The following UBE2V2 variants were observed in gnomAD, a reference collection of about 807,000 sequenced individuals.
The protein encoded by UBE2V2 is ubiquitin-conjugating enzyme E2 variant 2.
A neutral mutation model predicts 17.2 loss-of-function variants in UBE2V2; 9 were observed. The observed-to-expected ratio is 0.52, with a 90% CI of 0.32 to 0.91. The LOEUF is 0.91. Ranked by LOEUF, UBE2V2 falls within the 40% of genes least tolerant of loss-of-function variation. The pLI, the probability that UBE2V2 is intolerant of heterozygous loss-of-function variation, is 0.04. For missense variants in UBE2V2, 133 were observed against 182.6 expected, an observed-to-expected ratio of 0.73 and a Z score of 1.56; for synonymous variants, 61 against 57.5, an observed-to-expected ratio of 1.06 and a Z score of -0.28.
chr8:48,037,173 C>T (rs2091430521), intron 1 of UBE2V2, among the ~76,000 whole-genome samples: 1 of 152,242 alleles, frequency 6.6e-6, no homozygotes, highest in Non-Finnish European at 1.5e-5. Context: ...GAGCAAGACT[C>T]TGTCTCAGAA....
intron 1 of UBE2V2, among the ~76,000 whole-genome samples, chr8:48,020,762 A>G (rs1262111702): frequency 2.6e-5 from 4 of 151,976 alleles, no homozygotes; most frequent in African/African-American, 9.7e-5. Flanking sequence ...TGTGCCACCA[A>G]ACCTGGCTAA....
At chr8:48,011,325 G>A (rs2091230260) in intron 1 of UBE2V2, among the ~76,000 whole-genome samples, 2 of 151,936 alleles carry the variant, frequency 1.3e-5, no homozygotes, top group South Asian at 2.1e-4. Context: ...GCACCACCAC[G>A]CCCAGCTAAT....
chr8:48,027,949 G>A (rs1265505061), intron 1 of UBE2V2, among the ~76,000 whole-genome samples: 1 of 151,838 alleles, frequency 6.6e-6, no homozygotes, highest in Admixed American at 6.6e-5. Context: ...TGCCTCCTGG[G>A]TTCAAGCGAT....
At chr8:48,008,756 A>T (rs1386511045) in intron 1 of UBE2V2, among the ~76,000 whole-genome samples, 2 of 151,266 alleles carry the variant, frequency 1.3e-5, no homozygotes, top group Non-Finnish European at 3.0e-5. Flanking sequence ...CGCGGGTCCG[A>T]GTTGTAGGCT....
intron 2 of UBE2V2, among the ~76,000 whole-genome samples, chr8:48,044,764 T>C (rs983582648): frequency 6.6e-6 from 1 of 152,142 alleles, no homozygotes; most frequent in Admixed American, 6.6e-5. Context: ...TTATAATTGA[T>C]GAACATTCTG....
At chr8:48,053,652 C>G (rs1483881173) in intron 3 of UBE2V2, among the ~76,000 whole-genome samples, 2 of 152,030 alleles carry the variant, frequency 1.3e-5, no homozygotes, top group African/African-American at 4.8e-5. Flanking sequence ...TCTCAAACTC[C>G]TGACCTCAAA....
chr8:48,045,716 C>T (rs1354053722), intron 2 of UBE2V2, among the ~76,000 whole-genome samples: 1 of 152,190 alleles, frequency 6.6e-6, no homozygotes, highest in Non-Finnish European at 1.5e-5. Flanking sequence ...TGCAAAGGCA[C>T]AGGCTTCTTC....
chr8:48,026,789 T>C (rs1309085441), intron 1 of UBE2V2, among the ~76,000 whole-genome samples: 1 of 152,224 alleles, frequency 6.6e-6, no homozygotes, highest in Non-Finnish European at 1.5e-5. Context: ...GTGCATTGGA[T>C]ACACCACATT....
At chr8:48,013,941 T>C (rs1252390389) in intron 1 of UBE2V2, among the ~76,000 whole-genome samples, 3 of 152,236 alleles carry the variant, frequency 2.0e-5, no homozygotes, top group East Asian at 3.8e-4. Flanking sequence ...TGTGAAAAGA[T>C]TGGACAACAT....
At chr8:48,008,911 A>C in intron 1 of UBE2V2, among the ~76,000 whole-genome samples, 1 of 151,888 alleles carries the variant, frequency 6.6e-6, no homozygotes, top group Non-Finnish European at 1.5e-5. Context: ...ATTCCTTTGG[A>C]CTCTCCTTGA....
intron 1 of UBE2V2, among the ~76,000 whole-genome samples, chr8:48,027,442 G>A (rs767069274): frequency 3.3e-5 from 5 of 152,138 alleles, no homozygotes; most frequent in Non-Finnish European, 7.3e-5. Flanking sequence ...GTTTTGATTT[G>A]CATTTCCCTG....
At chr8:48,016,567 C>T (rs1156780946) in intron 1 of UBE2V2, among the ~76,000 whole-genome samples, 7 of 152,030 alleles carry the variant, frequency 4.6e-5, no homozygotes, top group Admixed American at 1.3e-4. Flanking sequence ...ATTGCAACCT[C>T]CACCTCCTGG....
At chr8:48,053,237 C>G (rs2091550291) in intron 3 of UBE2V2, among the ~76,000 whole-genome samples, 1 of 152,074 alleles carries the variant, frequency 6.6e-6, no homozygotes, top group Non-Finnish European at 1.5e-5. Context: ...TATGTCCCTT[C>G]TATTGCTCTG....
intron 2 of UBE2V2, among the ~76,000 whole-genome samples, chr8:48,047,780 T>G (rs2091509435): frequency 1.3e-5 from 2 of 152,118 alleles, no homozygotes; most frequent in South Asian, 4.1e-4. Flanking sequence ...ACTCCTGACC[T>G]CAGGCAGTCT....
At chr8:48,017,969 G>A (rs569939871) in intron 1 of UBE2V2, among the ~76,000 whole-genome samples, 8 of 151,580 alleles carry the variant, frequency 5.3e-5, no homozygotes, top group Non-Finnish European at 7.4e-5. Context: ...CCGAGTAGCT[G>A]GGACTACAGG....
At chr8:48,003,524 G>C (rs938529970), upstream of UBE2V2, among the ~76,000 whole-genome samples, 1 of 152,138 alleles carries the variant, frequency 6.6e-6, no homozygotes, top group African/African-American at 2.4e-5. Flanking sequence ...GTTTTTCTGT[G>C]TGTGCATGTG....
At chr8:48,034,270 C>T (rs1236554862) in intron 1 of UBE2V2, among the ~76,000 whole-genome samples, 2 of 151,926 alleles carry the variant, frequency 1.3e-5, no homozygotes, top group East Asian at 1.9e-4. Flanking sequence ...TACAGATTCC[C>T]GCCACCATGA....
chr8:48,021,760 T>C (rs568646255), intron 1 of UBE2V2, among the ~76,000 whole-genome samples: 1 of 151,738 alleles, frequency 6.6e-6, no homozygotes, highest in East Asian at 1.9e-4. Context: ...TGATCTTGGC[T>C]CAGTGCAACC....
chr8:48,009,348 C>T (rs1481275065), intron 1 of UBE2V2, among the ~76,000 whole-genome samples: 10 of 150,384 alleles, frequency 6.6e-5, no homozygotes, highest in Admixed American at 5.3e-4. Flanking sequence ...TCACTGCAAC[C>T]TCCACCTCCC....
Sources: allele counts gnomAD v4.1 joint callset (sites outside exome capture counted in the v4.1 genomes callset), GRCh38; gene constraint gnomAD v4.1.1; transcripts MANE v1.5; gene names NCBI Gene and HGNC (gene_info 2026-07-23, HGNC 2026-07-21).